DDR2: variants seen among roughly 807,000 people sequenced by gnomAD.
The protein encoded by DDR2 is discoidin domain receptor tyrosine kinase 2, also known as discoidin domain-containing receptor 2.
A neutral mutation model predicts 94.9 loss-of-function variants in DDR2; 27 were observed. That is an observed-to-expected ratio of 0.28 (90% CI 0.21 to 0.39). The LOEUF (loss-of-function observed/expected upper bound fraction) is 0.39, where lower values mean the gene tolerates loss of function less well. DDR2 is among the 10% of genes least tolerant of loss of function. DDR2 has a pLI of 1.00. For synonymous variants in DDR2, 382 were observed against 377.2 expected (o/e 1.01, Z -0.15); for missense variants, 783 against 1,076.0 (o/e 0.73, Z 3.81).
At chr1:162,683,834 A>G (rs1216304027) in intron 2 of DDR2, among the ~76,000 whole-genome samples, 1 of 152,142 alleles carries the variant, frequency 6.6e-6, no homozygotes, top group East Asian at 1.9e-4. Flanking sequence ...ATTTAATATA[A>G]TTCCTACCCA....
At chr1:162,646,243 T>C (rs1227103258) in intron 1 of DDR2, among the ~76,000 whole-genome samples, 1 of 152,228 alleles carries the variant, frequency 6.6e-6, no homozygotes. Context: ...AGAACTCTTG[T>C]GGACTGCAAG....
At chr1:162,718,485 C>A (rs1390723004) in intron 2 of DDR2, among the ~76,000 whole-genome samples, 1 of 152,038 alleles carries the variant, frequency 6.6e-6, no homozygotes, top group Non-Finnish European at 1.5e-5. Context: ...TTAAGCTAAA[C>A]ATAAGTTCAT....
intron 2 of DDR2, among the ~76,000 whole-genome samples, chr1:162,675,185 G>T (rs1659070367): frequency 6.6e-6 from 1 of 152,058 alleles, no homozygotes; most frequent in South Asian, 2.1e-4. Flanking sequence ...GAGAAACATT[G>T]CTTCATTCAG....
Position 162,754,657 on chromosome 1 carries a change from C to T in DDR2, c.219C>T (p.Cys73=), listed in dbSNP as rs547548695. 1.1e-5 allele frequency: 17 copies of T among 1,614,136 alleles called. No homozygotes were observed. The Admixed American group carries it at 2.5e-4, about 24-fold the overall frequency. ...LDSEEGDGAW[C]PEIPVEPDDL... ...CAGAAGAAGGGGATGGAGCCTGGTG[C>T]CCTGAGATTCCAGTGGAACCTGATG... The change falls in exon 5 of 18, where the codon TGC becomes TGT. Residue 73 remains cysteine, a synonymous_variant. Transcript: ENST00000367921.
At chr1:162,649,871 A>G (rs1045429597) in intron 1 of DDR2, among the ~76,000 whole-genome samples, 1 of 152,236 alleles carries the variant, frequency 6.6e-6, no homozygotes, top group Non-Finnish European at 1.5e-5. Context: ...CAGTTCTGCT[A>G]CTAAGAAGCT....
intron 3 of DDR2, among the ~76,000 whole-genome samples, chr1:162,740,141 A>G (rs977573647): frequency 1.3e-5 from 2 of 152,200 alleles, no homozygotes; most frequent in Admixed American, 1.3e-4. Context: ...AATAAGATAC[A>G]GTGGCTTTAT....
At chr1:162,766,716 A>C (rs192279513) in intron 10 of DDR2, among the ~76,000 whole-genome samples, 62 of 152,238 alleles carry the variant, frequency 4.1e-4, no homozygotes, top group African/African-American at 1.4e-3. Flanking sequence ...GTCTTATGGA[A>C]GAGGGAAATA....
chr1:162,753,188 A>G lies in DDR2; in HGVS notation c.176A>G (p.Lys59Arg), dbSNP rs1663298840. The G allele has an allele frequency of 1.2e-6, 2 of 1,613,090 alleles. No homozygotes were observed. The highest frequency in any genetic ancestry group is 1.3e-5 in the African/African-American group (1 of 74,886). The stretch of plus-strand genomic sequence containing the variant: ...CAGTGGTCAGAGTCCACAGCTGCCA[A>G]ATATGGAAGGTGAGGATGGTTACAT... Reference protein sequence around the residue: ...SSQWSESTAAKYGRLDSEEGD... With the variant: ...SSQWSESTAARYGRLDSEEGD... The change falls in exon 4 of 18, where the codon AAA becomes AGA. Residue 59 changes from lysine (K) to arginine (R), a missense_variant. Physicochemically the swap from Lys to Arg is conservative, Grantham distance 26. Around this residue, in one of 2 missense-constraint regions of DDR2, gnomAD observed 519 missense variants for 647.9 expected, o/e 0.80. Transcript: ENST00000367921.
chr1:162,723,470 A>G (rs1661514236), intron 3 of DDR2, among the ~76,000 whole-genome samples: 1 of 152,136 alleles, frequency 6.6e-6, no homozygotes. Flanking sequence ...AGGCTCCCCT[A>G]GGGGATATAA....
chr1:162,672,361 C>T (rs1009243732), intron 2 of DDR2, among the ~76,000 whole-genome samples: 1 of 152,116 alleles, frequency 6.6e-6, no homozygotes, highest in African/African-American at 2.4e-5. Context: ...CCTGGTCCTC[C>T]ACATTTTCCC....
At position 162,770,473 on chromosome 1, in the gene DDR2, C is replaced by A. The variant is rs752778008; in HGVS notation, c.1465C>A (p.Arg489=). 20 of 1,613,920 alleles carry A rather than the reference C, an allele frequency of 1.2e-5. No individual in the cohort carries two copies. In the Admixed American group the frequency reaches 3.0e-4, roughly 24 times the overall value. The change falls in exon 12 of 18, where the codon CGA becomes AGA. Residue 489 remains arginine (R), a synonymous_variant. Coordinates refer to ENST00000367921, the MANE Select transcript of DDR2 (RefSeq NM_006182.4). Reference sequence around the variant, plus strand: ...CTACCAGGAGCCATCCAGGCTGATACGAAAACTCCCAGAATTTGCTCCAGG... The same window carrying A: ...CTACCAGGAGCCATCCAGGCTGATAAGAAAACTCCCAGAATTTGCTCCAGG... The part of the protein sequence containing the change: ...PDYQEPSRLI[R]KLPEFAPGEE...
chr1:162,771,933 G>A, intron 12 of DDR2, 91 bp from the exon 13 acceptor site: 1 of 1,347,132 alleles, frequency 7.4e-7, no homozygotes, highest in East Asian at 2.5e-5. Context: ...TTTCACAGGG[G>A]CATGTTTTAG....
intron 3 of DDR2, among the ~76,000 whole-genome samples, chr1:162,723,935 G>A (rs781141044): frequency 2.4e-4 from 37 of 152,148 alleles, no homozygotes; most frequent in Non-Finnish European, 1.0e-4. Flanking sequence ...AGGAGAGGAC[G>A]AGCTTTTCTC....
At chr1:162,744,067 G>A (rs1226786681) in intron 3 of DDR2, among the ~76,000 whole-genome samples, 3 of 152,170 alleles carry the variant, frequency 2.0e-5, no homozygotes, top group Non-Finnish European at 2.9e-5. Context: ...TTGCTGAATA[G>A]CAAGGCATGA....
intron 1 of DDR2, among the ~76,000 whole-genome samples, chr1:162,639,653 T>G (rs764524489): frequency 6.6e-6 from 1 of 152,212 alleles, no homozygotes; most frequent in East Asian, 1.9e-4. Context: ...TCATTAAAAT[T>G]GTAAACTTCC....
chr1:162,651,406 A>G (rs1657683512), intron 1 of DDR2, among the ~76,000 whole-genome samples: 1 of 152,148 alleles, frequency 6.6e-6, no homozygotes, highest in South Asian at 2.1e-4. Context: ...TTTCTATCTG[A>G]CAAAATCCTA....
At chr1:162,740,070 T>C (rs1217912927) in intron 3 of DDR2, among the ~76,000 whole-genome samples, 3 of 152,208 alleles carry the variant, frequency 2.0e-5, no homozygotes, top group Admixed American at 6.5e-5. Context: ...TTACCTCTTT[T>C]TTTAAATAAA....
chr1:162,748,193 GAC>G (rs1662980956), intron 3 of DDR2, among the ~76,000 whole-genome samples: 1 of 152,166 alleles, frequency 6.6e-6, no homozygotes, highest in African/African-American at 2.4e-5. Flanking sequence ...CCAATTAAAA[GAC>G]ACAGACTGGC....
chr1:162,767,137 A>G (rs1474469818), intron 10 of DDR2, 92 bp from the exon 11 acceptor site: 5 of 1,576,346 alleles, frequency 3.2e-6, no homozygotes, highest in South Asian at 1.1e-5. Context: ...CTCAAGGAAC[A>G]GGGTCTACCT....
Sources: gnomAD v4.1 joint callset for allele counts (sites outside exome capture counted in the v4.1 genomes callset) on GRCh38, gnomAD v4.1.1 for gene constraint, gnomAD v4.1.1 regional missense constraint, MANE v1.5 for transcripts, NCBI Gene and HGNC (gene_info 2026-07-23, HGNC 2026-07-21) for gene names.